The following CNTN6 variants were observed in gnomAD, a reference collection of about 807,000 sequenced individuals.
The protein encoded by CNTN6 is contactin-6.
In CNTN6, 137 loss-of-function variants were observed where a neutral mutation model predicts 122.8. The ratio of observed to expected loss-of-function variants is 1.12; its 90% CI spans 0.97 to 1.29. The LOEUF is 1.29. Among genes scored for constraint, CNTN6 ranks in the 50% most tolerant of loss-of-function variants. The pLI is 0.00. For missense variants in CNTN6, 1,634 were observed against 1,223.4 expected, an observed-to-expected ratio of 1.34 and a Z score of -5.01; for synonymous variants, 570 against 426.0, an observed-to-expected ratio of 1.34 and a Z score of -4.16.
intron 1 of CNTN6, among the ~76,000 whole-genome samples, chr3:1,110,692 A>ATC (rs2091440340): frequency 6.6e-6 from 1 of 152,096 alleles, no homozygotes; most frequent in Admixed American, 6.6e-5. Flanking sequence ...CTTTGAAAAA[A>ATC]AAAATATGAG....
chr3:1,332,113 A>G (rs1702372442), intron 11 of CNTN6, among the ~76,000 whole-genome samples: 1 of 151,972 alleles, frequency 6.6e-6, no homozygotes, highest in Admixed American at 6.6e-5. Context: ...AAGAAAACAT[A>G]CATACAAACA....
At chr3:1,280,278 T>C (rs1174124464) in intron 5 of CNTN6, among the ~76,000 whole-genome samples, 1 of 152,048 alleles carries the variant, frequency 6.6e-6, no homozygotes, top group Non-Finnish European at 1.5e-5. Context: ...TGTTACCTTG[T>C]CACCTATCAC....
intron 2 of CNTN6, among the ~76,000 whole-genome samples, chr3:1,172,784 C>G (rs573031733): frequency 2.0e-5 from 3 of 152,242 alleles, no homozygotes; most frequent in African/African-American, 7.2e-5. Flanking sequence ...CTCATATACA[C>G]GAGAGCAAAG....
intron 19 of CNTN6, among the ~76,000 whole-genome samples, chr3:1,384,806 C>CATATAT (rs1559990605): frequency 7.4e-6 from 1 of 135,310 alleles, no homozygotes; most frequent in Non-Finnish European, 1.6e-5. Context: ...TACACACACA[C>CATATAT]ACACACATAT....
intron 5 of CNTN6, among the ~76,000 whole-genome samples, chr3:1,280,227 T>C (rs546344145): frequency 6.6e-6 from 1 of 152,090 alleles, no homozygotes; most frequent in Admixed American, 6.5e-5. Flanking sequence ...GTAAAAAAAT[T>C]TAAAAAATTA....
In CNTN6 at chr3:1,356,648, A is replaced by G. The variant is rs115985580; in HGVS notation, c.1492+4197A>G. On this transcript the variant is annotated intron_variant, in intron 12 of 22. Transcript: ENST00000446702. The stretch of plus-strand genomic sequence containing the variant: ...CAAGATGTATTGGAATACATTTGTC[A>G]TATCGTAGTACTTGAAAACACCAGA... 2.4e-3 allele frequency among the ~76,000 whole-genome samples: 369 copies of G among 151,984 alleles called. 1 individual carries two copies. Among genetic ancestry groups the G allele is most frequent in the African/African-American group, 8.7e-3 (360 of 41,532 alleles).
chr3:1,103,882 T>C (rs2124978400), intron 1 of CNTN6, among the ~76,000 whole-genome samples: 1 of 152,264 alleles, frequency 6.6e-6, no homozygotes, highest in South Asian at 2.1e-4. Context: ...GTTATTTTCT[T>C]TTATGATTTT....
At chr3:1,365,807 T>A (rs966393210) in intron 12 of CNTN6, among the ~76,000 whole-genome samples, 4 of 152,142 alleles carry the variant, frequency 2.6e-5, no homozygotes, top group African/African-American at 7.2e-5. Context: ...GGAGATAATA[T>A]ACAGAATTAA....
rs1472759911 is a variant in CNTN6, at chr3:1,311,775, A to G, written c.762-9875A>G. ...TAACATAATTAGTATAATACACTGCATATTTGTTTGTAAATTTTTTTAATT... is the reference window on the plus strand; with the variant it reads ...TAACATAATTAGTATAATACACTGCGTATTTGTTTGTAAATTTTTTTAATT... On this transcript the variant is annotated intron_variant, in intron 7 of 22. Transcript: ENST00000446702. Among the ~76,000 whole-genome samples, 4 of 151,758 alleles carry G rather than the reference A, an allele frequency of 2.6e-5. No individual in the cohort carries two copies. The East Asian group carries it at 5.8e-4, about 22-fold the overall frequency.
Position 1,158,577 on chromosome 3 carries a change from A to ATTT in CNTN6, c.55+10520_55+10522dup, listed in dbSNP as rs150394865. Among the ~76,000 whole-genome samples the ATTT allele has an allele frequency of 4.0e-5, 6 of 150,464 alleles. No homozygotes were observed. In the East Asian group the frequency reaches 1.0e-3, roughly 25 times the overall value. ...AAGATTGTTTCTTGACACAGACTCA[A>ATTT]TTTTTTTTGGCAGCGGGCAGGATTT... is the stretch of plus-strand genomic sequence containing the variant. On this transcript the variant is annotated intron_variant, in intron 2 of 22. Transcript: ENST00000446702.
chr3:1,245,222 AT>A lies in CNTN6; in HGVS notation c.358+17230del, dbSNP rs1430271025. On this transcript the variant is annotated intron_variant, in intron 4 of 22. Coordinates refer to ENST00000446702, the MANE Select transcript of CNTN6 (RefSeq NM_001289080.2). ...GATATATATATATATATATATATATATATATATATATATACACACACACATA... is the reference window on the plus strand; with the variant it reads ...GATATATATATATATATATATATATAATATATATATATACACACACACATA... 3.2e-3 allele frequency among the ~76,000 whole-genome samples: 64 copies of A among 19,838 alleles called. 1 individual carries two copies. The highest frequency in any genetic ancestry group is 0.018 in the African/African-American group (56 of 3,158). 13.0% of individuals were successfully genotyped at this position (19,838 alleles called of 152,430 possible).
chr3:1,331,218 T>C (rs558138908), intron 11 of CNTN6, among the ~76,000 whole-genome samples: 1 of 152,114 alleles, frequency 6.6e-6, no homozygotes, highest in South Asian at 2.1e-4. Context: ...TCTTTCCTTA[T>C]TCTCTGCATT....
intron 4 of CNTN6, among the ~76,000 whole-genome samples, chr3:1,264,527 T>G (rs539392401): frequency 7.5e-4 from 115 of 152,318 alleles, no homozygotes; most frequent in African/African-American, 2.7e-3. Context: ...GACTGTAACC[T>G]ATAACTTAAA....
intron 1 of CNTN6, among the ~76,000 whole-genome samples, chr3:1,142,968 G>GTGTATATA (rs1217250181): frequency 3.4e-4 from 44 of 128,640 alleles, no homozygotes; most frequent in African/African-American, 6.8e-4. Flanking sequence ...GTGTGTGTGT[G>GTGTATATA]TATATATATA....
At chr3:1,198,657 G>A (rs1474571352) in intron 2 of CNTN6, among the ~76,000 whole-genome samples, 1 of 151,836 alleles carries the variant, frequency 6.6e-6, no homozygotes. Context: ...GGGAGATGGA[G>A]TTTGCAGTGA....
intron 10 of CNTN6, 78 bp downstream of exon 10, chr3:1,327,664 T>C: frequency 6.9e-7 from 1 of 1,444,570 alleles, no homozygotes; most frequent in Non-Finnish European, 9.4e-7. Context: ...CCAACCCAAT[T>C]TTTTTTGTAA....
At chr3:1,241,617 G>A (rs1241532714) in intron 4 of CNTN6, among the ~76,000 whole-genome samples, 3 of 152,166 alleles carry the variant, frequency 2.0e-5, no homozygotes, top group Non-Finnish European at 4.4e-5. Flanking sequence ...GAGTGCCCAA[G>A]GGGGTTCAGC....
chr3:1,205,725 C>A (rs1396698996), intron 2 of CNTN6, among the ~76,000 whole-genome samples: 1 of 152,110 alleles, frequency 6.6e-6, no homozygotes, highest in Non-Finnish European at 1.5e-5. Flanking sequence ...AATGAAGGGA[C>A]CAGTAAAATG....
At chr3:1,237,482 A>C (rs1209891409) in intron 4 of CNTN6, among the ~76,000 whole-genome samples, 1 of 152,208 alleles carries the variant, frequency 6.6e-6, no homozygotes, top group East Asian at 1.9e-4. Context: ...TGTCTGAGAG[A>C]ATAATCCAGG....
Sources: gnomAD v4.1 joint callset for allele counts (sites outside exome capture counted in the v4.1 genomes callset) on GRCh38, gnomAD v4.1.1 for gene constraint, MANE v1.5 for transcripts, NCBI Gene and HGNC (gene_info 2026-07-23, HGNC 2026-07-21) for gene names.